The following ASIP variants were observed in gnomAD, a reference collection of about 807,000 sequenced individuals.
The protein encoded by ASIP is agouti signaling protein.
In ASIP, 11 loss-of-function variants were observed where a neutral mutation model predicts 10.3. The ratio of observed to expected loss-of-function variants is 1.07; its 90% CI spans 0.68 to 1.78. The LOEUF (loss-of-function observed/expected upper bound fraction) is 1.78. Among genes scored for constraint, ASIP ranks in the 40% most tolerant of loss-of-function variants. ASIP has a pLI of 0.00. For missense variants in ASIP, 180 were observed against 169.2 expected, an observed-to-expected ratio of 1.06 and a Z score of -0.35; for synonymous variants, 70 against 70.8, an observed-to-expected ratio of 0.99 and a Z score of 0.06.
At chr20:34,268,854 C>T in intron 3 of ASIP, 137 bp from the exon 4 acceptor site, 3 of 1,040,640 alleles carry the variant, frequency 2.9e-6, no homozygotes, top group Non-Finnish European at 2.8e-6. Flanking sequence ...ACTGGGGGAG[C>T]GGGCGGTGGG....
intron 1 of ASIP, among the ~76,000 whole-genome samples, chr20:34,205,397 G>C (rs1252552061): frequency 2.0e-5 from 3 of 151,844 alleles, no homozygotes; most frequent in Non-Finnish European, 4.4e-5. Flanking sequence ...CGCATCCGGA[G>C]TTGTTCATTC....
intron 1 of ASIP, among the ~76,000 whole-genome samples, chr20:34,232,308 G>T (rs149029832): frequency 1.1e-3 from 175 of 152,292 alleles, no homozygotes; most frequent in Non-Finnish European, 2.3e-3. Flanking sequence ...ATGAGGAGGA[G>T]CATAAGAGAC....
chr20:34,235,899 A>AAGGAAGG (rs1491250719), intron 1 of ASIP, among the ~76,000 whole-genome samples: 2 of 64,600 alleles, frequency 3.1e-5, no homozygotes, highest in Non-Finnish European at 5.0e-5. Context: ...GGAAGGAAGG[A>AAGGAAGG]AAGGAAGGAA....
intron 1 of ASIP, among the ~76,000 whole-genome samples, chr20:34,236,376 C>T: frequency 6.6e-6 from 1 of 151,932 alleles, no homozygotes. Context: ...CCTGTCTCTA[C>T]TAAAAATACA....
chr20:34,223,314 GC>G (rs2035064661), intron 1 of ASIP, among the ~76,000 whole-genome samples: 1 of 151,534 alleles, frequency 6.6e-6, no homozygotes, highest in Non-Finnish European at 1.5e-5. Flanking sequence ...CCTCTGCCCG[GC>G]CGAGACCCCG....
chr20:34,246,162 CAT>C (rs972746415), intron 1 of ASIP: 3 of 1,042,484 alleles, frequency 2.9e-6, no homozygotes, highest in African/African-American at 3.2e-5. Flanking sequence ...ACTCTTGTCA[CAT>C]GTTTCTTCTT....
chr20:34,221,030 C>A (rs1406024661), intron 1 of ASIP, among the ~76,000 whole-genome samples: 1 of 136,600 alleles, frequency 7.3e-6, no homozygotes. Context: ...GGTCTTCAAG[C>A]AGAATGTGGG....
chr20:34,232,740 A>G (rs917983319), intron 1 of ASIP, among the ~76,000 whole-genome samples: 14 of 152,196 alleles, frequency 9.2e-5, no homozygotes, highest in African/African-American at 2.9e-4. Context: ...ATGTATGTAG[A>G]TGTATGTCCA....
upstream of ASIP, among the ~76,000 whole-genome samples, chr20:34,190,690 A>G (rs2034819493): frequency 6.6e-6 from 1 of 152,156 alleles, no homozygotes; most frequent in Non-Finnish European, 1.5e-5. Context: ...ATGAGTCTCC[A>G]AAGAGCTCCA....
chr20:34,254,820 T>C lies in ASIP; in HGVS notation c.-10-5545T>C, dbSNP rs138104570. Among the ~76,000 whole-genome samples, 165 of 152,300 alleles carry C rather than the reference T, an allele frequency of 1.1e-3. 2 individuals are homozygous for C. In the East Asian group the frequency reaches 0.029, roughly 27 times the overall value. ...ACCTGTATTACATTTAGAATATACA[T>C]ATCCCTCCAGAATTGAGGTAAGGAA... On this transcript the variant is annotated intron_variant, in intron 1 of 3. Coordinates refer to ENST00000374954, the MANE Select transcript of ASIP (RefSeq NM_001672.3).
intron 1 of ASIP, among the ~76,000 whole-genome samples, chr20:34,253,637 A>C (rs933115619): frequency 6.6e-6 from 1 of 151,128 alleles, no homozygotes; most frequent in Non-Finnish European, 1.5e-5. Context: ...AAGCCTGGCT[A>C]ATTTTTGTAT....
intron 1 of ASIP, among the ~76,000 whole-genome samples, chr20:34,222,413 G>A (rs898398311): frequency 6.6e-6 from 1 of 152,054 alleles, no homozygotes; most frequent in African/African-American, 2.4e-5. Flanking sequence ...AACCAGTAAG[G>A]ACCCATGACT....
At chr20:34,247,940 A>G (rs2035408202) in intron 1 of ASIP, among the ~76,000 whole-genome samples, 2 of 152,284 alleles carry the variant, frequency 1.3e-5, no homozygotes, top group South Asian at 4.1e-4. Context: ...GCGCAGTGGC[A>G]CATGCGTGTA....
Position 34,258,700 on chromosome 20 carries a change from A to ATATATATACACACATAC in ASIP, c.-10-1657_-10-1656insCACACATACTATATATA, listed in dbSNP as rs2035624205. 1.9e-4 allele frequency among the ~76,000 whole-genome samples: 15 copies of ATATATATACACACATAC among 77,922 alleles called. 1 individual carries two copies. The highest frequency in any genetic ancestry group is 4.4e-4 in the South Asian group (1 of 2,286). The allele number at this position is 77,922 out of a possible 152,430, so 51.1% of individuals were successfully genotyped here. A position where few individuals can be genotyped will look rare whatever the true frequency, so the allele number is the denominator to read the frequency against. ...ATATATATATATATATACATACTAT[A>ATATATATACACACATAC]TATATATATTATATATATTATAAAA... On this transcript the variant is annotated intron_variant, in intron 1 of 3. Coordinates refer to ENST00000374954, the MANE Select transcript of ASIP (RefSeq NM_001672.3).
chr20:34,216,374 C>T (rs771503215), intron 1 of ASIP, among the ~76,000 whole-genome samples: 1 of 152,192 alleles, frequency 6.6e-6, no homozygotes, highest in Non-Finnish European at 1.5e-5. Flanking sequence ...GGGCTGGGGC[C>T]GTCTCCTGTC....
intron 1 of ASIP, among the ~76,000 whole-genome samples, chr20:34,221,294 CGT>C (rs1387303218): frequency 2.6e-5 from 4 of 151,788 alleles, no homozygotes; most frequent in African/African-American, 9.7e-5. Context: ...AGGAGAATGG[CGT>C]GAACCTGGGA....
At chr20:34,258,151 A>AG (rs1159075348) in intron 1 of ASIP, among the ~76,000 whole-genome samples, 2 of 152,008 alleles carry the variant, frequency 1.3e-5, no homozygotes, top group African/African-American at 4.8e-5. Context: ...CTTAAAAAAA[A>AG]AAAGAGAGAA....
At chr20:34,242,711 A>G (rs1409927728) in intron 1 of ASIP, among the ~76,000 whole-genome samples, 1 of 152,264 alleles carries the variant, frequency 6.6e-6, no homozygotes, top group Non-Finnish European at 1.5e-5. Flanking sequence ...GCTCAGCTAT[A>G]TCTCCTTGGT....
chr20:34,257,034 C>T (rs899475497), intron 1 of ASIP, among the ~76,000 whole-genome samples: 1 of 150,704 alleles, frequency 6.6e-6, no homozygotes, highest in Non-Finnish European at 1.5e-5. Flanking sequence ...GAATTTCTTT[C>T]TTTCTTTTTC....
Sources: allele counts gnomAD v4.1 joint callset (sites outside exome capture counted in the v4.1 genomes callset), GRCh38; gene constraint gnomAD v4.1.1; transcripts MANE v1.5; gene names NCBI Gene and HGNC (gene_info 2026-07-23, HGNC 2026-07-21).